FER1L5: variants seen among roughly 807,000 people sequenced by gnomAD.
The protein encoded by FER1L5 is fer-1 like family member 5.
Under a neutral mutation model 279.9 loss-of-function variants are expected in FER1L5, and 187 were observed. The ratio of observed to expected loss-of-function variants is 0.67; its 90% confidence interval spans 0.59 to 0.75. The LOEUF (loss-of-function observed/expected upper bound fraction) is 0.75. Ranked by LOEUF, FER1L5 falls within the 30% of genes least tolerant of loss-of-function variation. The pLI, the probability that FER1L5 is intolerant of heterozygous loss-of-function variation, is 0.00. For synonymous variants in FER1L5, 921 were observed against 989.7 expected (o/e 0.93, Z 1.30); for missense variants, 2,091 against 2,594.4 (o/e 0.81, Z 4.21).
At chr2:96,659,356 T>TTTCC (rs2075776692) in intron 9 of FER1L5, among the ~76,000 whole-genome samples, 4 of 70,798 alleles carry the variant, frequency 5.6e-5, no homozygotes, top group African/African-American at 1.6e-4. Context: ...CTTCCTTCCT[T>TTTCC]CCTTCCTTCT....
At chr2:96,664,239 ATATG>A (rs2076052090) in intron 14 of FER1L5, among the ~76,000 whole-genome samples, 1 of 152,140 alleles carries the variant, frequency 6.6e-6, no homozygotes, top group Non-Finnish European at 1.5e-5. Context: ...ACATTTTAAA[ATATG>A]TACACATCCA....
chr2:96,697,493 T>C (rs772536920), intron 37 of FER1L5, 33 bp from the exon 38 acceptor site: 7 of 1,608,250 alleles, frequency 4.4e-6, no homozygotes, highest in African/African-American at 1.3e-5. Context: ...GAGTGAGCTA[T>C]GGCTTTCCCT....
At chr2:96,695,121 A>T in intron 34 of FER1L5, 1 of 184,554 alleles carries the variant, frequency 5.4e-6, no homozygotes, top group Non-Finnish European at 1.1e-5. Flanking sequence ...TGAGAAATCC[A>T]GGCACTTCCT....
intron 4 of FER1L5, among the ~76,000 whole-genome samples, chr2:96,649,060 G>A (rs1488043693): frequency 6.6e-6 from 1 of 151,976 alleles, no homozygotes; most frequent in East Asian, 1.9e-4. Flanking sequence ...GTGGAGGTGG[G>A]AGAGCTTAGG....
intron 1 of FER1L5, 125 bp from the exon 2 acceptor site, chr2:96,646,276 G>A: frequency 1.1e-6 from 1 of 930,104 alleles, no homozygotes; most frequent in Non-Finnish European, 1.7e-6. Context: ...GAGATTACAG[G>A]CGTTAGCCAC....
In FER1L5 at chr2:96,681,226, T is replaced by C. The variant is rs142362789; in HGVS notation, c.1670-3101T>C. On this transcript the variant is annotated intron_variant, in intron 19 of 52. Coordinates refer to ENST00000624922, the MANE Select transcript of FER1L5 (RefSeq NM_001293083.2). ...CTAATTAGCCAACCATGGTGGCTCA[T>C]ACCTGTAGTCCTAGCTACTCAGGAG... Among the ~76,000 whole-genome samples, 105 of 152,312 alleles carry C rather than the reference T, an allele frequency of 6.9e-4. No individual in the cohort carries two copies. In the East Asian group the frequency reaches 0.019, roughly 28 times the overall value.
At position 96,649,649 on chromosome 2, in the gene FER1L5, C is replaced by G. The variant is rs542834527; in HGVS notation, c.366C>G (p.His122Gln). 6.4e-7 allele frequency: 1 copy of G among 1,551,584 alleles called. No homozygotes were observed. Among genetic ancestry groups the G allele is most frequent in the South Asian group, 1.2e-5 (1 of 84,056 alleles). Reference protein sequence around the residue: ...TDCTVTLQVAHMSNQDIEKTG... With the variant: ...TDCTVTLQVAQMSNQDIEKTG... ...GTACTGTCACCCTACAGGTGGCCCA[C>G]ATGAGCAACCAGGATATTGAGAAGA... Residue 122 changes from histidine to glutamine, a missense_variant, in exon 5 of 53, where the codon CAC (histidine) becomes CAG (glutamine). His to Gln is a conservative substitution (Grantham distance 24, BLOSUM62 0). Coordinates refer to ENST00000624922, the MANE Select transcript of FER1L5 (RefSeq NM_001293083.2).
chr2:96,659,358 C>CTTCCTTCCTTCTTTCT (rs2075779229), intron 9 of FER1L5, among the ~76,000 whole-genome samples: 4 of 60,608 alleles, frequency 6.6e-5, no homozygotes, highest in Non-Finnish European at 9.1e-5. Context: ...TCCTTCCTTC[C>CTTCCTTCCTTCTTTCT]TTCCTTCTTT....
chr2:96,659,375 T>C (rs1431471873), intron 9 of FER1L5, among the ~76,000 whole-genome samples: 2 of 11,434 alleles, frequency 1.7e-4, no homozygotes, highest in African/African-American at 1.3e-3. Context: ...CTTTCTTTCT[T>C]TCTTTCTTTC....
chr2:96,672,589 C>G (rs1284748907), intron 18 of FER1L5, among the ~76,000 whole-genome samples: 1 of 152,034 alleles, frequency 6.6e-6, no homozygotes, highest in East Asian at 1.9e-4. Flanking sequence ...TTGGTGAGAA[C>G]AGCCGAAGTT....
At chr2:96,647,255 T>C in intron 3 of FER1L5, 100 bp downstream of exon 3, 1 of 1,268,094 alleles carries the variant, frequency 7.9e-7, no homozygotes, top group East Asian at 2.6e-5. Flanking sequence ...GATGAAGGAA[T>C]GGAACCCACT....
At chr2:96,651,220 A>ACTTT (rs749497310) in intron 6 of FER1L5, among the ~76,000 whole-genome samples, 3 of 147,518 alleles carry the variant, frequency 2.0e-5, no homozygotes, top group East Asian at 4.1e-4. Flanking sequence ...TAGGGCTACA[A>ACTTT]CTTTCTTTCT....
intron 8 of FER1L5, chr2:96,654,020 G>A (rs996703715): frequency 5.0e-6 from 2 of 400,182 alleles, no homozygotes; most frequent in African/African-American, 2.1e-5. Flanking sequence ...ACCAAAGGGA[G>A]CCAGTAACAA....
At position 96,703,157 on chromosome 2, in the gene FER1L5, C is replaced by G. The variant is rs2077654218; in HGVS notation, c.5502C>G (p.Val1834=). ...ATGTCATTTTTCTGGGCTCAGGGGT[C>G]CTGGAGCTGGATTTGTCTGACATGC... ...DIFSPDDFLG[V]LELDLSDMPL... The change falls in exon 50 of 53, where the codon GTC becomes GTG. Residue 1834 remains valine, a synonymous_variant. Coordinates refer to ENST00000624922, the MANE Select transcript of FER1L5 (RefSeq NM_001293083.2). The G allele has an allele frequency of 1.2e-6, 2 of 1,612,692 alleles. No individual in the cohort carries two copies. The highest frequency in any genetic ancestry group is 3.3e-5 in the Admixed American group (2 of 59,934).
chr2:96,663,701 T>C (rs147862348), intron 14 of FER1L5, among the ~76,000 whole-genome samples, 194 bp downstream of exon 14: 212 of 152,310 alleles, frequency 1.4e-3, no homozygotes, highest in African/African-American at 5.0e-3. Flanking sequence ...TACTGAGTTA[T>C]CATTGACGTA....
chr2:96,667,486 T>A (rs1009950690), intron 14 of FER1L5, among the ~76,000 whole-genome samples: 14 of 152,148 alleles, frequency 9.2e-5, no homozygotes, highest in Non-Finnish European at 1.6e-4. Context: ...TAGCTGGGAT[T>A]ACAGGCATGC....
In FER1L5 at chr2:96,690,531, A is replaced by C; in HGVS notation, c.2685A>C (p.Gln895His). The change falls in exon 27 of 53, where the codon CAA becomes CAC. Residue 895 changes from glutamine (Q) to histidine (H), a missense_variant. Transcript: ENST00000624922. ...MEARENVKCP[Q>H]GWHFKKDWVV... ...CCCGGGAGAACGTGAAGTGCCCCCA[A>C]GGCTGGCACTTTAAGAAGGACTGGG... 6.4e-7 allele frequency: 1 copy of C among 1,551,670 alleles called. No individual in the cohort carries two copies. Among genetic ancestry groups the C allele is most frequent in the Non-Finnish European group, 8.7e-7 (1 of 1,146,978 alleles).
At position 96,702,182 on chromosome 2, in the gene FER1L5, C is replaced by A; in HGVS notation, c.5160-124C>A. Reference sequence around the variant, plus strand: ...GAGAGGAAGCTCTACTGGGAGCTTTCTTCCCCTGAATTCCCCACACTGAGC... The same window carrying A: ...GAGAGGAAGCTCTACTGGGAGCTTTATTCCCCTGAATTCCCCACACTGAGC... On this transcript the variant is annotated intron_variant, in intron 46 of 52. Coordinates refer to ENST00000624922, the MANE Select transcript of FER1L5 (RefSeq NM_001293083.2). This position sits in a 1 kb window ranked among gnomAD's most constrained non-coding sequence, Gnocchi z 4.0. 1.3e-6 allele frequency: 2 copies of A among 1,562,492 alleles called. No individual in the cohort carries two copies. Among genetic ancestry groups the A allele is most frequent in the Non-Finnish European group, 1.7e-6 (2 of 1,153,854 alleles).
chr2:96,650,860 G>A (rs940394817), intron 6 of FER1L5, among the ~76,000 whole-genome samples: 2 of 152,174 alleles, frequency 1.3e-5, no homozygotes, highest in Admixed American at 6.5e-5. Context: ...CCCAAGCAGT[G>A]GCCAAGTCCT....
Sources: allele counts gnomAD v4.1 joint callset (sites outside exome capture counted in the v4.1 genomes callset), GRCh38; gene constraint gnomAD v4.1.1; non-coding constraint Gnocchi (gnomAD v3.1); transcripts MANE v1.5; gene names NCBI Gene and HGNC (gene_info 2026-07-23, HGNC 2026-07-21).